Variants in TAOK1 observed in about 807,000 individuals in gnomAD.
TAOK1 encodes the protein serine/threonine-protein kinase TAO1.
In TAOK1, 21 loss-of-function variants were observed where a neutral mutation model predicts 138.3. The ratio of observed to expected loss-of-function variants is 0.15; its 90% CI spans 0.11 to 0.22. The LOEUF (loss-of-function observed/expected upper bound fraction) is 0.22. Among genes scored for constraint, TAOK1 ranks in the 10% least tolerant of loss-of-function variants. The pLI is 1.00. For missense variants in TAOK1, 651 were observed against 1,227.7 expected (o/e 0.53, Z 7.02); for synonymous variants, 361 against 398.4 (o/e 0.91, Z 1.12).
intron 1 of TAOK1, among the ~76,000 whole-genome samples, chr17:29,428,274 A>G (rs1170775158): frequency 6.6e-6 from 1 of 152,210 alleles, no homozygotes; most frequent in East Asian, 1.9e-4. Context: ...TTACAGGTGT[A>G]CAGAATGGAC....
intron 9 of TAOK1, 143 bp from the exon 10 acceptor site, chr17:29,491,641 T>C (rs1298569059): frequency 1.7e-6 from 1 of 593,776 alleles, no homozygotes; most frequent in African/African-American, 1.8e-5. Flanking sequence ...CTTCATAGAC[T>C]TATATGAAAC....
intron 2 of TAOK1, among the ~76,000 whole-genome samples, chr17:29,457,839 G>A (rs66614526): frequency 0.14 from 21,193 of 151,942 alleles, 1,589 homozygotes; most frequent in South Asian, 0.24. Flanking sequence ...GGCCAGGCAC[G>A]GTGGCTCACG....
At chr17:29,413,256 A>G (rs1905187588) in intron 1 of TAOK1, among the ~76,000 whole-genome samples, 1 of 152,194 alleles carries the variant, frequency 6.6e-6, no homozygotes, top group Non-Finnish European at 1.5e-5. Flanking sequence ...TTCCATCCCA[A>G]ATAGCTAAAC....
chr17:29,454,559 A>G (rs1273717631), intron 2 of TAOK1, among the ~76,000 whole-genome samples: 1 of 152,120 alleles, frequency 6.6e-6, no homozygotes, highest in Non-Finnish European at 1.5e-5. Context: ...CACTGTCTTA[A>G]TAATATTAAG....
At chr17:29,394,008 A>G (rs1368346470) in intron 1 of TAOK1, among the ~76,000 whole-genome samples, 2 of 152,082 alleles carry the variant, frequency 1.3e-5, no homozygotes, top group Non-Finnish European at 2.9e-5. Flanking sequence ...AACTTTCTGT[A>G]TAACAAGGTG....
chr17:29,460,071 A>T (rs1401892528), intron 2 of TAOK1, among the ~76,000 whole-genome samples: 1 of 152,242 alleles, frequency 6.6e-6, no homozygotes, highest in Non-Finnish European at 1.5e-5. Flanking sequence ...TGGTGAAAGT[A>T]ATGTTTCTTG....
At chr17:29,414,984 A>G (rs539278522) in intron 1 of TAOK1, among the ~76,000 whole-genome samples, 43 of 151,798 alleles carry the variant, frequency 2.8e-4, no homozygotes, top group Admixed American at 2.5e-3. Flanking sequence ...GGGGTGGAGG[A>G]ACGGAATTTC....
intron 1 of TAOK1, among the ~76,000 whole-genome samples, chr17:29,404,725 A>G (rs1172697027): frequency 1.3e-5 from 2 of 152,042 alleles, no homozygotes; most frequent in East Asian, 3.9e-4. Context: ...AGGAGGATGG[A>G]GTTACAGTGA....
chr17:29,493,541 A>G (rs550497547), intron 10 of TAOK1, among the ~76,000 whole-genome samples: 1 of 152,004 alleles, frequency 6.6e-6, no homozygotes, highest in Non-Finnish European at 1.5e-5. Context: ...ACATTTGCCA[A>G]ATAGAAGCAA....
intron 4 of TAOK1, 25 bp downstream of exon 4, chr17:29,475,796 G>T: frequency 6.4e-7 from 1 of 1,557,174 alleles, no homozygotes; most frequent in South Asian, 1.1e-5. Context: ...TCCCCTTGTT[G>T]CAGTTTTAGC....
chr17:29,494,403 A>T (rs2031368958), intron 10 of TAOK1, among the ~76,000 whole-genome samples: 1 of 151,842 alleles, frequency 6.6e-6, no homozygotes, highest in East Asian at 2.0e-4. Context: ...TAGCTGCTTG[A>T]GAGGCTGAGG....
Position 29,510,996 on chromosome 17 carries a change from C to G in TAOK1, c.1704+4C>G. ...TCGAAAAGAGCAGCTTAAAGAGGTA[C>G]TTATGTCATAAAACTTTCCAAGCAA... On this transcript the variant is annotated splice_donor_region_variant and intron_variant, in intron 15 of 19. Transcript: ENST00000261716. 1 of 1,583,658 alleles carries G rather than the reference C, an allele frequency of 6.3e-7. No homozygotes were observed. Among genetic ancestry groups the G allele is most frequent in the Non-Finnish European group, 8.5e-7 (1 of 1,170,222 alleles).
At chr17:29,468,356 C>T (rs978090145) in intron 3 of TAOK1, among the ~76,000 whole-genome samples, 1 of 151,406 alleles carries the variant, frequency 6.6e-6, no homozygotes, top group Admixed American at 6.6e-5. Flanking sequence ...AGACTGTTCT[C>T]GAACTCCTGA....
Position 29,437,557 on chromosome 17 carries a change from T to C in TAOK1, c.-94-13898T>C, listed in dbSNP as rs145680897. Among the ~76,000 whole-genome samples the C allele has an allele frequency of 6.5e-3, 984 of 152,272 alleles. 13 individuals are homozygous for C. Among genetic ancestry groups the C allele is most frequent in the African/African-American group, 0.022 (928 of 41,546 alleles). On this transcript the variant is annotated intron_variant, in intron 1 of 19. Coordinates refer to ENST00000261716, the MANE Select transcript of TAOK1 (RefSeq NM_020791.4). ...TTAACCTATTATTGAAAGTTATTTC[T>C]GATTAAACTCATTAATCCATGTCTG... is the stretch of plus-strand genomic sequence containing the variant.
chr17:29,495,793 G>T, intron 11 of TAOK1, 66 bp downstream of exon 11: 1 of 1,332,350 alleles, frequency 7.5e-7, no homozygotes, highest in Non-Finnish European at 9.8e-7. Context: ...TATGCAGCTT[G>T]CCCTGCCATA....
At chr17:29,485,964 A>G (rs1469125908) in intron 8 of TAOK1, among the ~76,000 whole-genome samples, 1 of 152,210 alleles carries the variant, frequency 6.6e-6, no homozygotes, top group Admixed American at 6.5e-5. Context: ...TGCACAAGAT[A>G]ATAAGAAATA....
chr17:29,430,216 C>A (rs1905781175), intron 1 of TAOK1, among the ~76,000 whole-genome samples: 1 of 152,180 alleles, frequency 6.6e-6, no homozygotes, highest in African/African-American at 2.4e-5. Flanking sequence ...AAAGTACACT[C>A]CACAGTGTGG....
chr17:29,430,410 C>T (rs1048146980), intron 1 of TAOK1, among the ~76,000 whole-genome samples: 12 of 152,220 alleles, frequency 7.9e-5, no homozygotes, highest in Non-Finnish European at 1.5e-4. Flanking sequence ...ACAAAGGTCA[C>T]ACTCCTGTGC....
At chr17:29,519,733 A>G (rs1450226523) in intron 16 of TAOK1, among the ~76,000 whole-genome samples, 1 of 152,212 alleles carries the variant, frequency 6.6e-6, no homozygotes, top group Non-Finnish European at 1.5e-5. Flanking sequence ...GTGTTAACAG[A>G]CACTATTAGT....
Sources: gnomAD v4.1 joint callset for allele counts (sites outside exome capture counted in the v4.1 genomes callset) on GRCh38, gnomAD v4.1.1 for gene constraint, MANE v1.5 for transcripts, NCBI Gene and HGNC (gene_info 2026-07-23, HGNC 2026-07-21) for gene names.